KIAA1958: variants seen among roughly 807,000 people sequenced by gnomAD.
KIAA1958 encodes the protein uncharacterized protein KIAA1958.
Under a neutral mutation model 47.2 loss-of-function variants are expected in KIAA1958, and 14 were observed. That is an observed-to-expected ratio of 0.30 (90% CI 0.20 to 0.46). The LOEUF is 0.46. KIAA1958 is among the 20% of genes least tolerant of loss of function. The pLI is 1.00. For synonymous variants in KIAA1958, 354 were observed against 353.3 expected, an observed-to-expected ratio of 1.00 and a Z score of -0.02; for missense variants, 803 against 909.2, an observed-to-expected ratio of 0.88 and a Z score of 1.50.
chr9:112,577,769 C>T (rs1367225276), intron 2 of KIAA1958, among the ~76,000 whole-genome samples: 1 of 95,586 alleles, frequency 1.0e-5, no homozygotes. Context: ...AGAAATTCAG[C>T]CTATTTGAAA....
chr9:112,512,289 A>G (rs1012076678), intron 1 of KIAA1958, among the ~76,000 whole-genome samples: 4 of 152,350 alleles, frequency 2.6e-5, no homozygotes, highest in Middle Eastern at 3.4e-3. Context: ...CCAGCAATTC[A>G]TAAGAAGAAA....
At chr9:112,591,008 G>A (rs1314655949) in intron 2 of KIAA1958, among the ~76,000 whole-genome samples, 1 of 152,172 alleles carries the variant, frequency 6.6e-6, no homozygotes. Flanking sequence ...TCCTGGTGGT[G>A]ATAAGGAAAA....
chr9:112,655,586 A>G (rs1837136779), intron 3 of KIAA1958, among the ~76,000 whole-genome samples: 1 of 152,366 alleles, frequency 6.6e-6, no homozygotes, highest in Non-Finnish European at 1.5e-5. Flanking sequence ...GGTGAGATGC[A>G]GTGAAAGGAA....
At chr9:112,613,327 A>G (rs1158920382) in intron 2 of KIAA1958, among the ~76,000 whole-genome samples, 1 of 152,194 alleles carries the variant, frequency 6.6e-6, no homozygotes, top group Non-Finnish European at 1.5e-5. Flanking sequence ...GGCAGATCAA[A>G]AATACGCAAG....
At chr9:112,535,053 A>T (rs960894925) in intron 1 of KIAA1958, among the ~76,000 whole-genome samples, 1 of 152,212 alleles carries the variant, frequency 6.6e-6, no homozygotes, top group African/African-American at 2.4e-5. Context: ...TGTAGAAAGG[A>T]TAAATTAAAC....
chr9:112,561,810 G>C lies in KIAA1958; in HGVS notation c.-24-12247G>C, dbSNP rs954697899. ...GCAGAGGCTGCAGTGAGCCGAGATC[G>C]TGCCATTGCACTGCAGCCTGGGCAA... On this transcript the variant is annotated intron_variant, in intron 1 of 3. Transcript: ENST00000337530. 1.7e-4 allele frequency among the ~76,000 whole-genome samples: 26 copies of C among 152,288 alleles called. 1 individual carries two copies. The Middle Eastern group carries it at 0.01, about 60-fold the overall frequency.
chr9:112,629,486 G>GT (rs1225637369), intron 2 of KIAA1958, among the ~76,000 whole-genome samples: 1 of 152,152 alleles, frequency 6.6e-6, no homozygotes, highest in African/African-American at 2.4e-5. Flanking sequence ...GGAAATTACT[G>GT]TTACTGTGTC....
intron 3 of KIAA1958, among the ~76,000 whole-genome samples, chr9:112,646,836 G>T (rs945743755): frequency 6.6e-6 from 1 of 152,340 alleles, no homozygotes; most frequent in Non-Finnish European, 1.5e-5. Context: ...GACATGTGGA[G>T]ATAGAACATA....
At chr9:112,603,034 C>T (rs1364135600) in intron 2 of KIAA1958, among the ~76,000 whole-genome samples, 1 of 151,988 alleles carries the variant, frequency 6.6e-6, no homozygotes, top group Non-Finnish European at 1.5e-5. Context: ...TTTTCTAGAC[C>T]CTGGGAATAA....
In KIAA1958 at chr9:112,605,764, C is replaced by T. The variant is rs768826021; in HGVS notation, c.1171+30513C>T. ...TGCAGGAACTTCTCATATGCTGTTC[C>T]CTCTACTGCTCCTCCTTCTGCTCTT... On this transcript the variant is annotated intron_variant, in intron 2 of 3. Coordinates refer to ENST00000337530, the MANE Select transcript of KIAA1958 (RefSeq NM_133465.4). 7.9e-4 allele frequency among the ~76,000 whole-genome samples: 120 copies of T among 152,150 alleles called. 1 individual carries two copies. The highest frequency in any genetic ancestry group is 5.2e-4 in the Admixed American group (8 of 15,268).
At chr9:112,659,229 C>A in intron 3 of KIAA1958, 34 bp from the exon 4 acceptor site, 2 of 1,569,158 alleles carry the variant, frequency 1.3e-6, no homozygotes, top group Non-Finnish European at 1.7e-6. Flanking sequence ...GTGTGAGTGT[C>A]AAGTGTGTAA....
At chr9:112,497,430 G>A (rs376045839) in intron 1 of KIAA1958, among the ~76,000 whole-genome samples, 14 of 152,234 alleles carry the variant, frequency 9.2e-5, no homozygotes, top group African/African-American at 2.9e-4. Flanking sequence ...CAAGGAGGAG[G>A]CCATCTGCAA....
intron 1 of KIAA1958, among the ~76,000 whole-genome samples, chr9:112,519,176 C>G (rs893094176): frequency 6.6e-6 from 1 of 152,118 alleles, no homozygotes; most frequent in African/African-American, 2.4e-5. Context: ...CTCCTGAGCT[C>G]AAGCAGTACT....
Position 112,574,289 on chromosome 9 carries a change from A to G in KIAA1958, c.209A>G (p.Glu70Gly). Residue 70 changes from glutamate to glycine, a missense_variant, in exon 2 of 4, where the codon GAG (glutamate) becomes GGG (glycine). Glu to Gly is a moderately conservative substitution (Grantham distance 98). Coordinates refer to ENST00000337530, the MANE Select transcript of KIAA1958 (RefSeq NM_133465.4). ...LTATCRAGSQ[E>G]RVCFQDNRSF... ...GCTACTTGCAGAGCTGGGTCCCAAG[A>G]GAGGGTCTGTTTCCAGGATAACAGA... 6.2e-7 allele frequency: 1 copy of G among 1,614,184 alleles called. No individual in the cohort carries two copies. The highest frequency in any genetic ancestry group is 8.5e-7 in the Non-Finnish European group (1 of 1,180,008).
intron 1 of KIAA1958, among the ~76,000 whole-genome samples, chr9:112,560,370 T>C (rs1252178511): frequency 6.6e-6 from 1 of 151,906 alleles, no homozygotes; most frequent in Non-Finnish European, 1.5e-5. Flanking sequence ...CTGGCTAATT[T>C]TTTAAATGTT....
intron 3 of KIAA1958, among the ~76,000 whole-genome samples, chr9:112,655,713 A>C (rs1313827092): frequency 6.6e-6 from 1 of 152,206 alleles, no homozygotes; most frequent in African/African-American, 2.4e-5. Context: ...AATGGGAGGC[A>C]TGCGGGAGTG....
chr9:112,629,091 G>C (rs1383566622), intron 2 of KIAA1958, among the ~76,000 whole-genome samples: 1 of 152,098 alleles, frequency 6.6e-6, no homozygotes, highest in Non-Finnish European at 1.5e-5. Flanking sequence ...TAAATCTTAA[G>C]ACTGTGTTTA....
intron 1 of KIAA1958, among the ~76,000 whole-genome samples, chr9:112,487,857 C>T (rs200860512): frequency 1.6e-4 from 24 of 149,044 alleles, no homozygotes; most frequent in African/African-American, 3.5e-4. Flanking sequence ...TCCTTCAAGT[C>T]TTTTTTTTTC....
intron 1 of KIAA1958, among the ~76,000 whole-genome samples, chr9:112,546,253 C>A (rs1009087409): frequency 6.6e-6 from 1 of 152,118 alleles, no homozygotes; most frequent in Non-Finnish European, 1.5e-5. Context: ...GAGGAAACCC[C>A]CACTAGCACT....
Sources: gnomAD v4.1 joint callset for allele counts (sites outside exome capture counted in the v4.1 genomes callset) on GRCh38, gnomAD v4.1.1 for gene constraint, MANE v1.5 for transcripts, NCBI Gene and HGNC (gene_info 2026-07-23, HGNC 2026-07-21) for gene names.